SUCLG2: variants seen among roughly 807,000 people sequenced by gnomAD.
SUCLG2 encodes the protein succinate--CoA ligase [GDP-forming] subunit beta, mitochondrial.
Under a neutral mutation model 47.9 loss-of-function variants are expected in SUCLG2, and 42 were observed. The observed-to-expected ratio is 0.88, with a 90% confidence interval of 0.69 to 1.14. The LOEUF is 1.14. SUCLG2 is among the 50% of genes most tolerant of loss of function. SUCLG2 has a pLI of 0.00. For synonymous variants in SUCLG2, 195 were observed against 197.3 expected, an observed-to-expected ratio of 0.99 and a Z score of 0.10; for missense variants, 571 against 525.9, an observed-to-expected ratio of 1.09 and a Z score of -0.84.
At chr3:67,537,394 T>C (rs1440442084) in intron 2 of SUCLG2, among the ~76,000 whole-genome samples, 1 of 152,212 alleles carries the variant, frequency 6.6e-6, no homozygotes, top group African/African-American at 2.4e-5. Context: ...GAAAAGGACA[T>C]GAACTCATCC....
intron 9 of SUCLG2, among the ~76,000 whole-genome samples, chr3:67,424,278 G>A (rs1396577601): frequency 6.6e-6 from 1 of 152,136 alleles, no homozygotes; most frequent in Non-Finnish European, 1.5e-5. Flanking sequence ...AGAAAAAGGG[G>A]GGAATCTAAA....
At chr3:67,630,700 C>T (rs575067969) in intron 1 of SUCLG2, among the ~76,000 whole-genome samples, 3 of 152,338 alleles carry the variant, frequency 2.0e-5, no homozygotes, top group East Asian at 1.9e-4. Flanking sequence ...ACTAGTCAAT[C>T]GTCTCCTTTT....
chr3:67,538,711 T>C (rs1425098570), intron 2 of SUCLG2, among the ~76,000 whole-genome samples: 1 of 152,228 alleles, frequency 6.6e-6, no homozygotes, highest in Admixed American at 6.5e-5. Flanking sequence ...TTTTTCCATT[T>C]GTTTGTATCC....
At chr3:67,417,254 G>T (rs969503535) in intron 9 of SUCLG2, among the ~76,000 whole-genome samples, 1 of 152,072 alleles carries the variant, frequency 6.6e-6, no homozygotes, top group Admixed American at 6.6e-5. Context: ...GCAATATATT[G>T]GAAATAATTA....
intron 9 of SUCLG2, among the ~76,000 whole-genome samples, chr3:67,455,395 A>G (rs1356368194): frequency 2.0e-5 from 3 of 152,148 alleles, no homozygotes; most frequent in Admixed American, 6.5e-5. Context: ...ATAAATCACC[A>G]TAAGCATCTT....
chr3:67,627,570 C>T (rs190437965), intron 1 of SUCLG2, among the ~76,000 whole-genome samples: 205 of 152,306 alleles, frequency 1.3e-3, no homozygotes, highest in African/African-American at 4.3e-3. Flanking sequence ...CATTGCTCTG[C>T]GGGGCTGATA....
chr3:67,557,526 C>A (rs986188738), intron 2 of SUCLG2, among the ~76,000 whole-genome samples: 2 of 152,106 alleles, frequency 1.3e-5, no homozygotes, highest in Non-Finnish European at 2.9e-5. Flanking sequence ...TATTTCTGGG[C>A]TTACCAAATG....
intron 10 of SUCLG2, among the ~76,000 whole-genome samples, chr3:67,383,739 C>G (rs1702206985): frequency 6.6e-6 from 1 of 152,070 alleles, no homozygotes; most frequent in Non-Finnish European, 1.5e-5. Context: ...CTTATGCTTT[C>G]AATTACGTTA....
At chr3:67,623,107 G>T (rs1189888829) in intron 1 of SUCLG2, among the ~76,000 whole-genome samples, 1 of 152,068 alleles carries the variant, frequency 6.6e-6, no homozygotes. Flanking sequence ...GTATGTATGT[G>T]TATATATATG....
At chr3:67,586,586 A>C (rs12486198) in intron 2 of SUCLG2, among the ~76,000 whole-genome samples, 1 of 152,106 alleles carries the variant, frequency 6.6e-6, no homozygotes, top group African/African-American at 2.4e-5. Flanking sequence ...AAAGTAAGTA[A>C]AGTAAGTATT....
At chr3:67,608,173 G>A (rs997453536) in intron 2 of SUCLG2, among the ~76,000 whole-genome samples, 9 of 152,136 alleles carry the variant, frequency 5.9e-5, no homozygotes, top group African/African-American at 2.2e-4. Context: ...CTTGTCTTTG[G>A]TCTCCTCCAG....
chr3:67,363,604 G>C (rs1018677773), intron 10 of SUCLG2, among the ~76,000 whole-genome samples: 1 of 152,078 alleles, frequency 6.6e-6, no homozygotes, highest in African/African-American at 2.4e-5. Flanking sequence ...ATCAATGAAA[G>C]AAAGCATACC....
intron 10 of SUCLG2, among the ~76,000 whole-genome samples, chr3:67,379,199 GGCCTCCCAA>G (rs1559637773): frequency 1.3e-5 from 2 of 151,996 alleles, no homozygotes; most frequent in Non-Finnish European, 2.9e-5. Flanking sequence ...CACTTGCCTC[GGCCTCCCAA>G]AGTCTGGGAT....
chr3:67,442,041 C>T (rs1703777794), intron 9 of SUCLG2, among the ~76,000 whole-genome samples: 1 of 145,590 alleles, frequency 6.9e-6, no homozygotes, highest in African/African-American at 2.5e-5. Context: ...GACGAAGTCT[C>T]GCTCTGTCGC....
At chr3:67,517,971 G>GA (rs1410315796) in intron 6 of SUCLG2, among the ~76,000 whole-genome samples, 1 of 152,018 alleles carries the variant, frequency 6.6e-6, no homozygotes, top group African/African-American at 2.4e-5. Context: ...CAATGCTACA[G>GA]AAAAAATAGA....
intron 10 of SUCLG2, among the ~76,000 whole-genome samples, chr3:67,382,794 C>T (rs114045124): frequency 0.057 from 8,675 of 152,190 alleles, 319 homozygotes; most frequent in Middle Eastern, 0.13. Flanking sequence ...AGTATTTCAG[C>T]CCCTCTGCTG....
chr3:67,494,467 T>TAA (rs201307715), intron 9 of SUCLG2, among the ~76,000 whole-genome samples: 16 of 150,450 alleles, frequency 1.1e-4, no homozygotes, highest in African/African-American at 3.7e-4. Flanking sequence ...AGACAAAAAA[T>TAA]AAAAAAAAAT....
At chr3:67,569,414 G>C (rs1245249168) in intron 2 of SUCLG2, among the ~76,000 whole-genome samples, 1 of 152,148 alleles carries the variant, frequency 6.6e-6, no homozygotes, top group Non-Finnish European at 1.5e-5. Context: ...ACTCTCACCT[G>C]GACTCTTAGG....
intron 9 of SUCLG2, among the ~76,000 whole-genome samples, chr3:67,421,832 A>C (rs1052871889): frequency 6.6e-6 from 1 of 152,230 alleles, no homozygotes; most frequent in Admixed American, 6.5e-5. Context: ...AAAGACTGTC[A>C]AGAGAACTGA....
Sources: allele counts gnomAD v4.1 joint callset (sites outside exome capture counted in the v4.1 genomes callset), GRCh38; gene constraint gnomAD v4.1.1; transcripts MANE v1.5; gene names NCBI Gene and HGNC (gene_info 2026-07-23, HGNC 2026-07-21).